DDX4: variants seen among roughly 807,000 people sequenced by gnomAD.
DDX4 encodes probable ATP-dependent RNA helicase DDX4.
In DDX4, 25 loss-of-function variants were observed where a neutral mutation model predicts 100.0. The ratio of observed to expected loss-of-function variants is 0.25; its 90% CI spans 0.18 to 0.35. The LOEUF is 0.35. Ranked by LOEUF, DDX4 falls within the 10% of genes least tolerant of loss-of-function variation. DDX4 has a pLI of 1.00. For synonymous variants in DDX4, 259 were observed against 275.7 expected, an observed-to-expected ratio of 0.94 and a Z score of 0.60; for missense variants, 635 against 882.4, an observed-to-expected ratio of 0.72 and a Z score of 3.55.
intron 3 of DDX4, among the ~76,000 whole-genome samples, chr5:55,755,583 C>T (rs1355780279): frequency 6.6e-6 from 1 of 152,098 alleles, no homozygotes; most frequent in Non-Finnish European, 1.5e-5. Context: ...TTTCTTCTGT[C>T]ATGTCGTCCT....
chr5:55,775,544 T>C lies in DDX4; in HGVS notation c.395-4420T>C, dbSNP rs1741506522. On this transcript the variant is annotated intron_variant, in intron 7 of 21. Coordinates refer to ENST00000505374, the MANE Select transcript of DDX4 (RefSeq NM_024415.3). ...CTTGCCTTTTTGGAGTAGTGGAATT[T>C]AGAGTTCCTTACTTGGCCATTTTTG... Among the ~76,000 whole-genome samples the C allele has an allele frequency of 2.0e-5, 3 of 152,226 alleles. No homozygotes were observed. In the South Asian group the frequency reaches 6.2e-4, roughly 32 times the overall value.
chr5:55,768,903 G>A (rs1236701420), intron 7 of DDX4, among the ~76,000 whole-genome samples: 1 of 152,074 alleles, frequency 6.6e-6, no homozygotes, highest in African/African-American at 2.4e-5. Flanking sequence ...TTTTTCATCT[G>A]CCTGTTGGCT....
intron 2 of DDX4, among the ~76,000 whole-genome samples, chr5:55,744,661 T>C (rs190867566): frequency 1.3e-5 from 2 of 152,214 alleles, no homozygotes; most frequent in African/African-American, 4.8e-5. Flanking sequence ...AATGATTTTC[T>C]TTAGCCTAAA....
At chr5:55,772,329 A>G (rs1487128179) in intron 7 of DDX4, among the ~76,000 whole-genome samples, 2 of 152,196 alleles carry the variant, frequency 1.3e-5, no homozygotes, top group African/African-American at 2.4e-5. Context: ...TACTGAAAAG[A>G]CTGTCCCTTC....
chr5:55,799,633 C>G (rs1743177593), intron 18 of DDX4, among the ~76,000 whole-genome samples: 1 of 152,166 alleles, frequency 6.6e-6, no homozygotes, highest in South Asian at 2.1e-4. Context: ...ACATTGGCCT[C>G]CCAAACTGCT....
At chr5:55,805,752 C>T (rs941109627) in intron 18 of DDX4, among the ~76,000 whole-genome samples, 4 of 152,148 alleles carry the variant, frequency 2.6e-5, no homozygotes, top group Non-Finnish European at 4.4e-5. Context: ...ATTTTTGCAT[C>T]AATGTTCATC....
intron 7 of DDX4, among the ~76,000 whole-genome samples, chr5:55,778,121 C>T (rs1741683014): frequency 6.6e-6 from 1 of 151,988 alleles, no homozygotes; most frequent in Non-Finnish European, 1.5e-5. Flanking sequence ...ATAAATATAT[C>T]ATAGGTCATG....
intron 3 of DDX4, among the ~76,000 whole-genome samples, chr5:55,759,968 T>C (rs13181614): frequency 6.6e-6 from 1 of 152,164 alleles, no homozygotes; most frequent in East Asian, 1.9e-4. Context: ...TAAAAATTGC[T>C]GTCTTTTGAT....
At chr5:55,787,473 T>C (rs1434188176) in intron 14 of DDX4, among the ~76,000 whole-genome samples, 1 of 152,184 alleles carries the variant, frequency 6.6e-6, no homozygotes, top group Non-Finnish European at 1.5e-5. Context: ...TGAATGATAA[T>C]TTTATGACCT....
intron 18 of DDX4, among the ~76,000 whole-genome samples, chr5:55,811,226 A>G (rs913977514): frequency 6.6e-6 from 1 of 152,154 alleles, no homozygotes; most frequent in African/African-American, 2.4e-5. Context: ...AACACCTTTT[A>G]TAGCTTATTT....
intron 3 of DDX4, among the ~76,000 whole-genome samples, chr5:55,759,426 A>G (rs568365174): frequency 1.3e-5 from 2 of 151,802 alleles, no homozygotes; most frequent in Admixed American, 6.6e-5. Context: ...AATTTTTTTC[A>G]TATTTAATAG....
intron 2 of DDX4, among the ~76,000 whole-genome samples, chr5:55,744,064 G>A (rs940857040): frequency 4.6e-5 from 7 of 151,898 alleles, no homozygotes; most frequent in African/African-American, 1.7e-4. Flanking sequence ...TTTTACTGTA[G>A]CAATTACCAA....
chr5:55,786,696 C>T (rs754455104), intron 14 of DDX4, 26 bp downstream of exon 14: 1 of 1,597,688 alleles, frequency 6.3e-7, no homozygotes, highest in Non-Finnish European at 8.6e-7. Context: ...CATGTCCAAA[C>T]TGTTAGGTTT....
intron 2 of DDX4, among the ~76,000 whole-genome samples, chr5:55,745,101 A>G (rs1759182048): frequency 6.6e-6 from 1 of 152,110 alleles, no homozygotes. Context: ...GCTGGTCTTG[A>G]ACTGCTGACC....
chr5:55,765,276 G>T (rs1016524292), intron 6 of DDX4, among the ~76,000 whole-genome samples: 4 of 151,138 alleles, frequency 2.6e-5, no homozygotes, highest in Non-Finnish European at 2.9e-5. Flanking sequence ...GAGATGGTGG[G>T]CCAGGGAGCT....
intron 1 of DDX4, 92 bp from the exon 2 acceptor site, chr5:55,738,858 A>G: frequency 1.2e-6 from 1 of 808,458 alleles, no homozygotes; most frequent in Non-Finnish European, 2.1e-6. Flanking sequence ...GGGTAGTTTC[A>G]AGATGTATGT....
At chr5:55,778,869 G>A (rs1580560909) in intron 7 of DDX4, among the ~76,000 whole-genome samples, 1 of 146,646 alleles carries the variant, frequency 6.8e-6, no homozygotes, top group East Asian at 2.0e-4. Flanking sequence ...ACTCCAACCT[G>A]GGTGACAGAG....
chr5:55,786,481 T>C lies in DDX4; in HGVS notation c.865-37T>C, dbSNP rs549505009. On this transcript the variant is annotated intron_variant, in intron 13 of 21. Coordinates refer to ENST00000505374, the MANE Select transcript of DDX4 (RefSeq NM_024415.3). ...GCTTATAAATGATCTGCATATGATA[T>C]ATAGAATGTAATCACTGCTTTTTTT... The C allele has an allele frequency of 1.7e-5, 26 of 1,526,686 alleles. No homozygotes were observed. In the African/African-American group the frequency reaches 3.4e-4, roughly 20 times the overall value. The allele number at this position is 1,526,686 out of a possible 1,614,324, so 94.6% of individuals were successfully genotyped here. A position where few individuals can be genotyped will look rare whatever the true frequency, so the allele number is the denominator to read the frequency against.
At chr5:55,800,636 A>G (rs903522767) in intron 18 of DDX4, among the ~76,000 whole-genome samples, 1 of 152,000 alleles carries the variant, frequency 6.6e-6, no homozygotes, top group Non-Finnish European at 1.5e-5. Flanking sequence ...GATTTTTTTT[A>G]TATATGAGCT....
Sources: gnomAD v4.1 joint callset for allele counts (sites outside exome capture counted in the v4.1 genomes callset) on GRCh38, gnomAD v4.1.1 for gene constraint, MANE v1.5 for transcripts, NCBI Gene and HGNC (gene_info 2026-07-23, HGNC 2026-07-21) for gene names.